PTPN4: variants seen among roughly 807,000 people sequenced by gnomAD.
PTPN4 encodes protein tyrosine phosphatase non-receptor type 4.
A neutral mutation model predicts 135.5 loss-of-function variants in PTPN4; 49 were observed. The observed-to-expected ratio is 0.36, with a 90% CI of 0.29 to 0.46. The LOEUF is 0.46. Among genes scored for constraint, PTPN4 ranks in the 20% least tolerant of loss-of-function variants. The probability of loss-of-function intolerance (pLI) is 1.00; values close to 1 mark genes in which losing one functional copy is unlikely to be tolerated. For missense variants in PTPN4, 860 were observed against 1,101.0 expected, an observed-to-expected ratio of 0.78 and a Z score of 3.10; for synonymous variants, 333 against 369.9, an observed-to-expected ratio of 0.90 and a Z score of 1.14.
chr2:119,878,869 G>A (rs1336934198), intron 5 of PTPN4, among the ~76,000 whole-genome samples: 5 of 151,662 alleles, frequency 3.3e-5, no homozygotes, highest in South Asian at 2.1e-4. Flanking sequence ...CAAGGTGGGC[G>A]GATCACGAGG....
intron 1 of PTPN4, among the ~76,000 whole-genome samples, chr2:119,807,036 C>A (rs1691484098): frequency 6.6e-6 from 1 of 152,064 alleles, no homozygotes; most frequent in Admixed American, 6.6e-5. Context: ...CCAATGAGAA[C>A]AAAGACACAA....
intron 1 of PTPN4, among the ~76,000 whole-genome samples, chr2:119,788,821 T>G (rs1691090065): frequency 6.6e-6 from 1 of 152,216 alleles, no homozygotes; most frequent in Non-Finnish European, 1.5e-5. Context: ...GCTTATCTCC[T>G]CAATGGACAC....
In PTPN4 at chr2:119,984,212, T is replaced by C. The variant is rs1214916850; in HGVS notation, c.*7142T>C. ...GTAGGCTTAATTTTAGAACCGATAA[T>C]TTACTATATCTGCATTATTGATATT... On this transcript the variant is annotated 3_prime_UTR_variant, in exon 27 of 27. Coordinates refer to ENST00000263708, the MANE Select transcript of PTPN4 (RefSeq NM_002830.4). Among the ~76,000 whole-genome samples, 3 of 152,198 alleles carry C rather than the reference T, an allele frequency of 2.0e-5. No homozygotes were observed. The highest frequency in any genetic ancestry group is 7.2e-5 in the African/African-American group (3 of 41,462).
At chr2:119,923,911 G>T (rs767871179) in intron 12 of PTPN4, among the ~76,000 whole-genome samples, 1 of 152,102 alleles carries the variant, frequency 6.6e-6, no homozygotes, top group Non-Finnish European at 1.5e-5. Flanking sequence ...GTCGAGGCGG[G>T]CGGATCACGA....
At chr2:119,945,704 A>G (rs911022394) in intron 16 of PTPN4, among the ~76,000 whole-genome samples, 6 of 152,174 alleles carry the variant, frequency 3.9e-5, no homozygotes, top group Non-Finnish European at 7.4e-5. Context: ...TGAAATATCC[A>G]AAACAGTCAG....
chr2:119,885,934 A>G lies in PTPN4; in HGVS notation c.675+52A>G, dbSNP rs1433773508. Reference sequence around the variant, plus strand: ...TTGTTGAGTTAGGCTCCGTTACTCAATATAACATTTTTTAAGATTAGATAA... The same window carrying G: ...TTGTTGAGTTAGGCTCCGTTACTCAGTATAACATTTTTTAAGATTAGATAA... On this transcript the variant is annotated intron_variant, in intron 9 of 26. Coordinates refer to ENST00000263708, the MANE Select transcript of PTPN4 (RefSeq NM_002830.4). The G allele has an allele frequency of 5.6e-6, 7 of 1,246,174 alleles. No individual in the cohort carries two copies. In the African/African-American group the frequency reaches 6.2e-5, roughly 11 times the overall value. The allele number at this position is 1,246,174 out of a possible 1,614,324, so 77.2% of individuals were successfully genotyped here.
chr2:119,789,665 T>C (rs1019208335), intron 1 of PTPN4, among the ~76,000 whole-genome samples: 3 of 152,206 alleles, frequency 2.0e-5, no homozygotes, highest in Non-Finnish European at 2.9e-5. Flanking sequence ...CCATTACTTA[T>C]GAATGCGTTA....
intron 15 of PTPN4, 28 bp from the exon 16 acceptor site, chr2:119,945,050 AAAC>A: frequency 6.4e-7 from 1 of 1,556,688 alleles, no homozygotes; most frequent in Non-Finnish European, 8.6e-7. Flanking sequence ...AAAAGTTATG[AAAC>A]AACTTCCAAA....
chr2:119,767,304 A>G (rs990554518), intron 1 of PTPN4, among the ~76,000 whole-genome samples: 1 of 152,142 alleles, frequency 6.6e-6, no homozygotes, highest in South Asian at 2.1e-4. Flanking sequence ...TTATTTCTCC[A>G]TTTCAGGGGA....
At chr2:119,936,049 C>T (rs774076375) in intron 15 of PTPN4, among the ~76,000 whole-genome samples, 8 of 151,792 alleles carry the variant, frequency 5.3e-5, no homozygotes, top group African/African-American at 1.7e-4. Flanking sequence ...TTCACCCAGG[C>T]GGGAGTGCAG....
chr2:119,872,075 ATTG>A (rs1199113613), intron 3 of PTPN4, among the ~76,000 whole-genome samples: 2 of 152,114 alleles, frequency 1.3e-5, no homozygotes, highest in Non-Finnish European at 2.9e-5. Flanking sequence ...GTTCTCCAGT[ATTG>A]TTTTTAATTT....
intron 1 of PTPN4, among the ~76,000 whole-genome samples, chr2:119,787,384 T>C (rs1691064891): frequency 6.6e-6 from 1 of 152,208 alleles, no homozygotes. Flanking sequence ...CTCCTTTTAT[T>C]TGACACTTTA....
chr2:119,965,469 AG>A (rs759690448), intron 24 of PTPN4, 27 bp from the exon 25 acceptor site: 1 of 1,580,982 alleles, frequency 6.3e-7, no homozygotes, highest in Non-Finnish European at 8.6e-7. Context: ...ACATAAGTCA[AG>A]GTGCATAATT....
chr2:119,940,378 C>A (rs763636800), intron 15 of PTPN4, among the ~76,000 whole-genome samples: 1 of 152,078 alleles, frequency 6.6e-6, no homozygotes, highest in Non-Finnish European at 1.5e-5. Context: ...GGGTTAAATG[C>A]GTAATTGAAG....
At chr2:119,961,102 T>G in intron 23 of PTPN4, 149 bp downstream of exon 23, 1 of 899,452 alleles carries the variant, frequency 1.1e-6, no homozygotes, top group Admixed American at 3.2e-5. Flanking sequence ...CATGTTTAAG[T>G]GCATAAAACT....
chr2:119,970,545 T>C (rs965556136), intron 26 of PTPN4, among the ~76,000 whole-genome samples: 1 of 152,194 alleles, frequency 6.6e-6, no homozygotes, highest in Non-Finnish European at 1.5e-5. Flanking sequence ...ACCTTTTATA[T>C]GAATGAGATC....
At chr2:119,770,558 C>T (rs965233007) in intron 1 of PTPN4, among the ~76,000 whole-genome samples, 1 of 151,996 alleles carries the variant, frequency 6.6e-6, no homozygotes, top group African/African-American at 2.4e-5. Context: ...CTGTTTTCCC[C>T]CTACCTTTTT....
chr2:119,846,607 CAGTT>C (rs1351040523), intron 2 of PTPN4, among the ~76,000 whole-genome samples: 2 of 151,300 alleles, frequency 1.3e-5, no homozygotes, highest in African/African-American at 4.9e-5. Context: ...TTTGTTATGT[CAGTT>C]AATGTTATTA....
At chr2:119,932,271 G>T in intron 13 of PTPN4, 153 bp from the exon 14 acceptor site, 3 of 651,120 alleles carry the variant, frequency 4.6e-6, no homozygotes, top group South Asian at 2.8e-5. Context: ...AAGTTATTTG[G>T]TAAATAGCCT....
Sources: allele counts gnomAD v4.1 joint callset (sites outside exome capture counted in the v4.1 genomes callset), GRCh38; gene constraint gnomAD v4.1.1; transcripts MANE v1.5; gene names NCBI Gene and HGNC (gene_info 2026-07-23, HGNC 2026-07-21).